The following AMZ1 variants were observed in gnomAD, a reference collection of about 807,000 sequenced individuals.
The protein encoded by AMZ1 is archaelysin family metallopeptidase 1.
Under a neutral mutation model 29.9 loss-of-function variants are expected in AMZ1, and 39 were observed. That is an observed-to-expected ratio of 1.30 (90% confidence interval 1.01 to 1.70). The LOEUF (loss-of-function observed/expected upper bound fraction) is 1.70, where lower values mean the gene tolerates loss of function less well. AMZ1 is among the 40% of genes most tolerant of loss of function. The probability of loss-of-function intolerance (pLI) is 0.00; values close to 1 mark genes in which losing one functional copy is unlikely to be tolerated. For synonymous variants in AMZ1, 458 were observed against 304.0 expected (o/e 1.51, Z -5.27); for missense variants, 1,041 against 680.6 (o/e 1.53, Z -5.89).
intron 2 of AMZ1, among the ~76,000 whole-genome samples, chr7:2,701,017 G>A (rs1788024105): frequency 6.6e-6 from 1 of 152,210 alleles, no homozygotes; most frequent in African/African-American, 2.4e-5. Flanking sequence ...AGATGTGCAC[G>A]GTCCTGGCTA....
At chr7:2,689,666 G>A (rs766115884) in intron 1 of AMZ1, among the ~76,000 whole-genome samples, 5 of 152,216 alleles carry the variant, frequency 3.3e-5, no homozygotes, top group African/African-American at 4.8e-5. Flanking sequence ...CTGAAACACC[G>A]CAGTGGCACC....
chr7:2,723,594 G>A (rs1478235453), downstream of AMZ1, among the ~76,000 whole-genome samples: 3 of 152,200 alleles, frequency 2.0e-5, no homozygotes, highest in East Asian at 5.8e-4. Flanking sequence ...AGTCTCGAGG[G>A]GTTCACGCTG....
rs553387559 is a variant in AMZ1 at position 2,709,491 on chromosome 7, C to G, written c.772-149C>G. On this transcript the variant is annotated intron_variant, in intron 5 of 6. Transcript: ENST00000683327. Reference sequence around the variant, plus strand: ...CTGGGGCCCTGAAAGTGGCCTGTGCCGCCTGGGGCAGGGGGAGGGCGCCTG... The same window carrying G: ...CTGGGGCCCTGAAAGTGGCCTGTGCGGCCTGGGGCAGGGGGAGGGCGCCTG... The G allele has an allele frequency of 6.2e-6, 8 of 1,282,524 alleles. No homozygotes were observed. In the Admixed American group the frequency reaches 1.5e-4, roughly 24 times the overall value. The allele number at this position is 1,282,524 out of a possible 1,614,324, so 79.4% of individuals were successfully genotyped here. A position where few individuals can be genotyped will look rare whatever the true frequency, so the allele number is the denominator to read the frequency against.
chr7:2,681,815 CAGAG>C (rs753694665), intron 1 of AMZ1, among the ~76,000 whole-genome samples: 22 of 152,116 alleles, frequency 1.4e-4, no homozygotes, highest in South Asian at 6.2e-4. Flanking sequence ...GAGATGGTGA[CAGAG>C]AGAGAGACCA....
At chr7:2,696,449 G>A (rs1002404933) in intron 1 of AMZ1, among the ~76,000 whole-genome samples, 17 of 150,780 alleles carry the variant, frequency 1.1e-4, no homozygotes, top group Admixed American at 7.3e-4. Flanking sequence ...AGTAGAGACG[G>A]GGTTTCACCA....
intron 6 of AMZ1, among the ~76,000 whole-genome samples, chr7:2,710,417 C>T (rs1402240522): frequency 2.0e-5 from 3 of 152,216 alleles, no homozygotes; most frequent in African/African-American, 7.2e-5. Context: ...GGACTACAAC[C>T]AGTTATAAGG....
downstream of AMZ1, among the ~76,000 whole-genome samples, chr7:2,722,147 A>G (rs1789450797): frequency 6.6e-6 from 1 of 152,246 alleles, no homozygotes; most frequent in Non-Finnish European, 1.5e-5. Flanking sequence ...GCCTGAGCAC[A>G]GGAAAGGGAG....
chr7:2,762,766 T>G, upstream of AMZ1: 1 of 1,548,260 alleles, frequency 6.5e-7, no homozygotes, highest in Non-Finnish European at 8.7e-7. Context: ...GGCCCGTCCT[T>G]TCCACCCAGG....
rs1788901366 is a variant in AMZ1, at chr7:2,713,012, A to G, written c.*134A>G. On this transcript the variant is annotated 3_prime_UTR_variant, in exon 7 of 7. Transcript: ENST00000683327. ...GGTGGTGGCTCAGGCCTGTCATCCC[A>G]TCACTTTGAGAGGCCAGGAGTTTGA... The G allele has an allele frequency of 5.8e-6, 6 of 1,029,312 alleles. No homozygotes were observed. Among genetic ancestry groups the G allele is most frequent in the Non-Finnish European group, 6.5e-6 (5 of 767,628 alleles). 63.8% of individuals were successfully genotyped at this position (1,029,312 alleles called of 1,614,324 possible). A position where few individuals can be genotyped will look rare whatever the true frequency, so the allele number is the denominator to read the frequency against.
intron 6 of AMZ1, among the ~76,000 whole-genome samples, chr7:2,711,764 G>C (rs1207488383): frequency 6.6e-6 from 1 of 152,116 alleles, no homozygotes; most frequent in East Asian, 1.9e-4. Flanking sequence ...CGCTTTCTGG[G>C]TGGGTGCCGT....
chr7:2,710,536 C>T (rs1788708021), intron 6 of AMZ1, among the ~76,000 whole-genome samples: 1 of 152,228 alleles, frequency 6.6e-6, no homozygotes, highest in Non-Finnish European at 1.5e-5. Flanking sequence ...CGGACCGAGC[C>T]TGTCAGAATC....
chr7:2,746,775 G>A (rs1790783951), intron 4 of AMZ1, among the ~76,000 whole-genome samples: 1 of 152,052 alleles, frequency 6.6e-6, no homozygotes, highest in Admixed American at 6.5e-5. Flanking sequence ...CCGCTAGCAA[G>A]ACTAATAAAG....
intron 1 of AMZ1, among the ~76,000 whole-genome samples, chr7:2,681,362 C>G (rs1038434263): frequency 1.1e-4 from 17 of 152,108 alleles, no homozygotes; most frequent in Admixed American, 1.1e-3. Context: ...TGCATGCCAC[C>G]ACGCCCTCAG....
At chr7:2,742,722 A>G (rs1002338395) in intron 4 of AMZ1, among the ~76,000 whole-genome samples, 13 of 152,182 alleles carry the variant, frequency 8.5e-5, no homozygotes, top group African/African-American at 3.1e-4. Context: ...AATGCTTATA[A>G]ATTTTCTGTA....
rs753001643 is a variant in AMZ1, at chr7:2,731,329, T to C, written n.550+21513T>C. On this transcript the variant is annotated intron_variant and non_coding_transcript_variant, in intron 4 of 4. Coordinates refer to the AMZ1 transcript ENST00000489665. The surrounding 1 kb of genome is among the most constrained non-coding windows in gnomAD (Gnocchi z 6.0). The stretch of plus-strand genomic sequence containing the variant: ...GTTCCGTCTCTTCCTGTCGAAGCAC[T>C]GGACCAGGTAGCGCTGGACGTCCTC... The C allele has an allele frequency of 1.9e-6, 3 of 1,614,012 alleles. No homozygotes were observed. Among genetic ancestry groups the C allele is most frequent in the Non-Finnish European group, 2.5e-6 (3 of 1,179,994 alleles).
At chr7:2,710,654 A>C (rs1653427603) in intron 6 of AMZ1, among the ~76,000 whole-genome samples, 1 of 152,180 alleles carries the variant, frequency 6.6e-6, no homozygotes, top group South Asian at 2.1e-4. Flanking sequence ...TTTCTAGCTC[A>C]CAGTGCTGGA....
intron 1 of AMZ1, among the ~76,000 whole-genome samples, chr7:2,680,394 C>T (rs1350221926): frequency 6.6e-6 from 1 of 152,100 alleles, no homozygotes; most frequent in African/African-American, 2.4e-5. Context: ...ACTGGAGACC[C>T]CGGGAGACCC....
rs773306538 is a variant in AMZ1, at chr7:2,709,632, C to T, written c.772-8C>T. On this transcript the variant is annotated splice_polypyrimidine_tract_variant and splice_region_variant and intron_variant, in intron 5 of 6. Coordinates refer to ENST00000683327, the MANE Select transcript of AMZ1 (RefSeq NM_001384743.1). ...GTGAGGCAAGGTGCTTGGTGGCCTT[C>T]CCCCCAGGTCACGTGCCACGAGCTC... The T allele has an allele frequency of 1.4e-5, 23 of 1,604,778 alleles. No homozygotes were observed. The highest frequency in any genetic ancestry group is 1.9e-5 in the Non-Finnish European group (22 of 1,176,378).
intron 4 of AMZ1, among the ~76,000 whole-genome samples, chr7:2,724,919 G>A (rs958106165): frequency 3.3e-5 from 5 of 152,184 alleles, no homozygotes; most frequent in African/African-American, 9.7e-5. Flanking sequence ...ACCCGGATCC[G>A]CCAGGACAGA....
Sources: allele counts gnomAD v4.1 joint callset (sites outside exome capture counted in the v4.1 genomes callset), GRCh38; gene constraint gnomAD v4.1.1; non-coding constraint Gnocchi (gnomAD v3.1); transcripts MANE v1.5; gene names NCBI Gene and HGNC (gene_info 2026-07-23, HGNC 2026-07-21).